Variants in CTNNA2 observed in about 807,000 individuals in gnomAD.
The protein encoded by CTNNA2 is catenin alpha 2.
In CTNNA2, 42 loss-of-function variants were observed where a neutral mutation model predicts 101.0. The observed-to-expected ratio is 0.42, with a 90% CI of 0.32 to 0.54. The LOEUF is 0.54. Ranked by LOEUF, CTNNA2 falls within the 20% of genes least tolerant of loss-of-function variation. The probability of loss-of-function intolerance (pLI) is 0.14; values close to 1 mark genes in which losing one functional copy is unlikely to be tolerated. For synonymous variants in CTNNA2, 450 were observed against 456.4 expected (o/e 0.99, Z 0.18); for missense variants, 871 against 1,223.1 (o/e 0.71, Z 4.29).
At chr2:80,092,471 A>G (rs1157855525) in intron 7 of CTNNA2, among the ~76,000 whole-genome samples, 4 of 152,106 alleles carry the variant, frequency 2.6e-5, no homozygotes, top group Non-Finnish European at 2.9e-5. Context: ...CGGTTTAAGA[A>G]TCTGGGTGGA....
intron 2 of CTNNA2, among the ~76,000 whole-genome samples, chr2:79,288,309 A>G (rs1044555871): frequency 2.6e-5 from 4 of 152,190 alleles, no homozygotes; most frequent in Non-Finnish European, 1.5e-5. Flanking sequence ...TGAATTTACC[A>G]TCTGTTTGAG....
intron 7 of CTNNA2, among the ~76,000 whole-genome samples, chr2:79,996,973 C>G (rs144354775): frequency 6.6e-6 from 1 of 151,992 alleles, no homozygotes; most frequent in Non-Finnish European, 1.5e-5. Context: ...TGTGCCCTAG[C>G]GGATGGGAAA....
rs149486921 is a variant in CTNNA2, at chr2:79,199,981, T to C, written c.-406+1905T>C. On this transcript the variant is annotated intron_variant, in intron 2 of 21. Coordinates refer to the CTNNA2 transcript ENST00000466387. ...ACATCTTCAATGCTTCTGCCACCACTTTCTTTAATTTTATGCAAGAATAGT... is the reference window on the plus strand; with the variant it reads ...ACATCTTCAATGCTTCTGCCACCACCTTCTTTAATTTTATGCAAGAATAGT... 2.6e-4 allele frequency among the ~76,000 whole-genome samples: 40 copies of C among 152,294 alleles called. 1 individual carries two copies. The East Asian group carries it at 7.1e-3, about 27-fold the overall frequency.
At chr2:79,782,753 A>G (rs1338829618) in intron 3 of CTNNA2, among the ~76,000 whole-genome samples, 1 of 152,190 alleles carries the variant, frequency 6.6e-6, no homozygotes, top group African/African-American at 2.4e-5. Context: ...GGTAGAATGC[A>G]GCAGCTATTG....
At chr2:79,471,277 C>T (rs1670995475) in intron 4 of CTNNA2, among the ~76,000 whole-genome samples, 1 of 152,098 alleles carries the variant, frequency 6.6e-6, no homozygotes, top group Non-Finnish European at 1.5e-5. Context: ...GTTTGAGATG[C>T]TATTAAAAAT....
intron 4 of CTNNA2, among the ~76,000 whole-genome samples, chr2:79,492,155 T>C (rs1418128287): frequency 9.9e-5 from 15 of 152,098 alleles, no homozygotes; most frequent in African/African-American, 3.6e-4. Context: ...TGTATTTTAA[T>C]ATTCATACTA....
At chr2:79,586,539 C>G (rs781107123) in intron 1 of CTNNA2, among the ~76,000 whole-genome samples, 84 of 134,046 alleles carry the variant, frequency 6.3e-4, no homozygotes, top group Non-Finnish European at 6.6e-5. Context: ...TTTTTTTTAG[C>G]ACTTTTTCTT....
intron 2 of CTNNA2, among the ~76,000 whole-genome samples, chr2:79,296,139 C>G (rs1431187744): frequency 2.6e-5 from 4 of 152,056 alleles, no homozygotes; most frequent in Non-Finnish European, 5.9e-5. Flanking sequence ...GGACCTAACA[C>G]TTATCCTCAG....
intron 7 of CTNNA2, among the ~76,000 whole-genome samples, chr2:80,332,829 C>T (rs1671451267): frequency 6.6e-6 from 1 of 152,156 alleles, no homozygotes; most frequent in Non-Finnish European, 1.5e-5. Flanking sequence ...AATGAATATA[C>T]TGGTCCAGGG....
intron 7 of CTNNA2, among the ~76,000 whole-genome samples, chr2:80,216,439 T>C (rs1708273622): frequency 1.3e-5 from 2 of 152,228 alleles, no homozygotes; most frequent in African/African-American, 4.8e-5. Context: ...ATATTGAATG[T>C]TTGTGTCCAA....
At chr2:80,576,582 A>AG (rs1293551829) in intron 13 of CTNNA2, among the ~76,000 whole-genome samples, 1 of 152,004 alleles carries the variant, frequency 6.6e-6, no homozygotes, top group Non-Finnish European at 1.5e-5. Context: ...CATTGCTTCT[A>AG]GGAGAAATAC....
rs1572996351 is a variant in CTNNA2 at position 79,244,181 on chromosome 2, G to A, written c.-406+46105G>A. Among the ~76,000 whole-genome samples, 4 of 152,222 alleles carry A rather than the reference G, an allele frequency of 2.6e-5. No homozygotes were observed. In the South Asian group the frequency reaches 8.3e-4, roughly 32 times the overall value. On this transcript the variant is annotated intron_variant, in intron 2 of 21. Coordinates refer to the CTNNA2 transcript ENST00000466387. ...CTTTTATATTGTCTGTAGGTGAATT[G>A]TTTCCATGTAAGTTACATATTTTCT...
intron 12 of CTNNA2, among the ~76,000 whole-genome samples, chr2:80,557,379 A>T (rs1489725201): frequency 6.6e-6 from 1 of 152,146 alleles, no homozygotes; most frequent in Non-Finnish European, 1.5e-5. Flanking sequence ...CAAATTAAGG[A>T]CTTTTTCATT....
intron 18 of CTNNA2, among the ~76,000 whole-genome samples, chr2:80,636,699 A>G (rs1223045976): frequency 6.6e-6 from 1 of 152,140 alleles, no homozygotes; most frequent in Non-Finnish European, 1.5e-5. Flanking sequence ...TATTTTATAT[A>G]GACTATTTAT....
chr2:80,270,868 T>C (rs1292181793), intron 7 of CTNNA2, among the ~76,000 whole-genome samples: 2 of 152,250 alleles, frequency 1.3e-5, no homozygotes, highest in East Asian at 1.9e-4. Context: ...AATTAAATGC[T>C]AGCCACCCTG....
intron 4 of CTNNA2, among the ~76,000 whole-genome samples, chr2:79,469,106 G>T (rs201096133): frequency 5.3e-5 from 8 of 149,690 alleles, no homozygotes; most frequent in South Asian, 2.1e-4. Context: ...TTGTTGAAAA[G>T]ATCAACAAAA....
chr2:79,434,400 G>A (rs1284107993), intron 4 of CTNNA2, among the ~76,000 whole-genome samples: 2 of 152,074 alleles, frequency 1.3e-5, no homozygotes, highest in African/African-American at 4.8e-5. Context: ...TTGGAATTTG[G>A]AACTTGTAAA....
intron 1 of CTNNA2, among the ~76,000 whole-genome samples, chr2:79,518,180 T>A (rs905724956): frequency 3.3e-5 from 5 of 152,218 alleles, no homozygotes; most frequent in Admixed American, 3.3e-4. Flanking sequence ...ATAAATCATA[T>A]GTTGATTTTT....
At chr2:79,825,244 T>C (rs1392423681) in intron 3 of CTNNA2, among the ~76,000 whole-genome samples, 1 of 152,076 alleles carries the variant, frequency 6.6e-6, no homozygotes, top group Non-Finnish European at 1.5e-5. Flanking sequence ...GAATGGAACA[T>C]AGTGCAGTGG....
Sources: allele counts gnomAD v4.1 joint callset (sites outside exome capture counted in the v4.1 genomes callset), GRCh38; gene constraint gnomAD v4.1.1; transcripts MANE v1.5; gene names NCBI Gene and HGNC (gene_info 2026-07-23, HGNC 2026-07-21).